ZNF652: variants seen among roughly 807,000 people sequenced by gnomAD.
ZNF652 encodes zinc finger protein 652.
In ZNF652, 16 loss-of-function variants were observed where a neutral mutation model predicts 45.2. That is an observed-to-expected ratio of 0.35 (90% confidence interval 0.24 to 0.54). The LOEUF (loss-of-function observed/expected upper bound fraction) is 0.54, where lower values mean the gene tolerates loss of function less well. Ranked by LOEUF, ZNF652 falls within the 20% of genes least tolerant of loss-of-function variation. The probability of loss-of-function intolerance (pLI) is 0.91; values close to 1 mark genes in which losing one functional copy is unlikely to be tolerated. For synonymous variants in ZNF652, 250 were observed against 260.6 expected (o/e 0.96, Z 0.39); for missense variants, 614 against 765.6 (o/e 0.80, Z 2.34).
chr17:49,298,432 C>A lies in ZNF652; in HGVS notation c.1802G>T (p.Ser601Ile), dbSNP rs766981714. ...NFLRHLAEKN[S>I]SAQHH Reference sequence around the variant, plus strand: ...CGGATGTTAATGATGCTGTGCTGAACTGTTCTTCTCTGCCAGGTGCCGCAG... The same window carrying A: ...CGGATGTTAATGATGCTGTGCTGAAATGTTCTTCTCTGCCAGGTGCCGCAG... Residue 601 changes from serine to isoleucine, a missense_variant, in exon 6 of 6, where the codon AGT (serine) becomes ATT (isoleucine). Ser to Ile is a moderately radical substitution (Grantham distance 142). Transcript: ENST00000430262. 17 of 1,612,660 alleles carry A rather than the reference C, an allele frequency of 1.1e-5. No homozygotes were observed. Among genetic ancestry groups the A allele is most frequent in the Non-Finnish European group, 1.4e-5 (17 of 1,180,046 alleles).
chr17:49,312,714 C>A lies in ZNF652; in HGVS notation c.1032G>T (p.Val344=). The A allele has an allele frequency of 6.2e-7, 1 of 1,613,562 alleles. No homozygotes were observed. Among genetic ancestry groups the A allele is most frequent in the South Asian group, 1.1e-5 (1 of 91,000 alleles). Residue 344 remains valine (V), a synonymous_variant, in exon 3 of 6, where the codon GTG becomes GTT. Coordinates refer to ENST00000430262, the MANE Select transcript of ZNF652 (RefSeq NM_001145365.3). ...AAAACTTACCAACCATGTGTTTCCG[C>A]ACATGAGCCATGGTATAGAATTTCT... is the stretch of plus-strand genomic sequence containing the variant. ...CEKKFYTMAH[V]RKHMVAHTKD... is the part of the protein sequence containing the mutation.
At chr17:49,331,926 A>G (rs1208907378) in intron 1 of ZNF652, among the ~76,000 whole-genome samples, 10 of 152,186 alleles carry the variant, frequency 6.6e-5, no homozygotes, top group African/African-American at 1.7e-4. Flanking sequence ...CTGAGATCGC[A>G]GCACTGCACT....
chr17:49,353,899 G>C (rs2070307681), intron 1 of ZNF652, among the ~76,000 whole-genome samples: 2 of 152,152 alleles, frequency 1.3e-5, no homozygotes, highest in South Asian at 2.1e-4. Context: ...AGTACACAGT[G>C]CACCACCTGG....
chr17:49,359,920 T>C (rs551950789), intron 1 of ZNF652, among the ~76,000 whole-genome samples: 14 of 152,332 alleles, frequency 9.2e-5, no homozygotes, highest in African/African-American at 3.4e-4. Context: ...TATAGCCTTC[T>C]TTTAAGAGAT....
At chr17:49,303,247 C>CTTTTTTTTTTTCT (rs779042339) in intron 5 of ZNF652, among the ~76,000 whole-genome samples, 1 of 121,786 alleles carries the variant, frequency 8.2e-6, no homozygotes, top group Non-Finnish European at 1.6e-5. Flanking sequence ...TTACGCTTAT[C>CTTTTTTTTTTTCT]TTTTTTTTTT....
chr17:49,304,868 A>G (rs1490102271), intron 5 of ZNF652, among the ~76,000 whole-genome samples: 1 of 120,140 alleles, frequency 8.3e-6, no homozygotes, highest in Non-Finnish European at 1.7e-5. Flanking sequence ...ACATATATGT[A>G]TATATATGTG....
chr17:49,333,247 C>T (rs572544788), intron 1 of ZNF652, among the ~76,000 whole-genome samples: 97 of 150,318 alleles, frequency 6.5e-4, no homozygotes, highest in South Asian at 3.6e-3. Flanking sequence ...TTAGTAGAGA[C>T]GGGGTTTCAC....
At chr17:49,334,209 A>T (rs2070056868) in intron 1 of ZNF652, among the ~76,000 whole-genome samples, 1 of 152,096 alleles carries the variant, frequency 6.6e-6, no homozygotes, top group African/African-American at 2.4e-5. Context: ...AGTCAGGTGT[A>T]GTGGCTCATG....
chr17:49,317,121 G>C lies in ZNF652; in HGVS notation c.605C>G (p.Thr202Ser). The C allele has an allele frequency of 6.2e-7, 1 of 1,614,048 alleles. No homozygotes were observed. Among genetic ancestry groups the C allele is most frequent in the Non-Finnish European group, 8.5e-7 (1 of 1,180,012 alleles). Residue 202 changes from threonine (T) to serine (S), a missense_variant, in exon 2 of 6, where the codon ACC becomes AGC. By Grantham distance (58) the Thr-to-Ser change is moderately conservative (BLOSUM62 1). Around this residue, in one of 5 missense-constraint regions of ZNF652, gnomAD observed 262 missense variants for 306.3 expected, o/e 0.86. Coordinates refer to ENST00000430262, the MANE Select transcript of ZNF652 (RefSeq NM_001145365.3). Reference protein sequence around the residue: ...TRRAASVAAATTSPTPRTTRG... With the variant: ...TRRAASVAAASTSPTPRTTRG... ...TGTAGTTCTGGGAGTAGGGGAAGTGGTAGCTGCGGCAACAGAGGCAGCTCT... is the reference window on the plus strand; with the variant it reads ...TGTAGTTCTGGGAGTAGGGGAAGTGCTAGCTGCGGCAACAGAGGCAGCTCT...
intron 1 of ZNF652, among the ~76,000 whole-genome samples, chr17:49,330,576 T>C (rs1173074262): frequency 6.6e-6 from 1 of 151,930 alleles, no homozygotes; most frequent in South Asian, 2.1e-4. Context: ...CTTGAACTCC[T>C]GGTCTCAGGT....
intron 5 of ZNF652, among the ~76,000 whole-genome samples, chr17:49,302,358 G>A (rs1470484695): frequency 3.2e-4 from 46 of 145,566 alleles, no homozygotes; most frequent in African/African-American, 1.1e-3. Flanking sequence ...GTGCAATCTC[G>A]GCTCACTGCA....
intron 5 of ZNF652, among the ~76,000 whole-genome samples, chr17:49,304,613 G>T (rs1179379991): frequency 6.6e-6 from 1 of 152,068 alleles, no homozygotes; most frequent in East Asian, 1.9e-4. Flanking sequence ...GTTCATTAAG[G>T]TAACTGGAAA....
chr17:49,332,015 G>C (rs2070030542), intron 1 of ZNF652, among the ~76,000 whole-genome samples: 1 of 151,862 alleles, frequency 6.6e-6, no homozygotes, highest in Non-Finnish European at 1.5e-5. Context: ...TGGGCATGGT[G>C]GCTCACACCT....
At chr17:49,318,020 T>C (rs1209558975) in intron 1 of ZNF652, 37 bp from the exon 2 acceptor site, 1 of 253,236 alleles carries the variant, frequency 3.9e-6, no homozygotes, top group Non-Finnish European at 7.5e-6. Flanking sequence ...AATCAGGTAA[T>C]ACCACTATTT....
At chr17:49,314,480 TAAAGA>T (rs1300345808) in intron 2 of ZNF652, among the ~76,000 whole-genome samples, 1 of 151,948 alleles carries the variant, frequency 6.6e-6, no homozygotes, top group East Asian at 1.9e-4. Context: ...TTTAAAAAAT[TAAAGA>T]AAATTTTTTT....
chr17:49,331,643 TAAAAAATA>T (rs140254809), intron 1 of ZNF652, among the ~76,000 whole-genome samples: 116,237 of 150,448 alleles, frequency 0.77, 44,889 homozygotes, highest in African/African-American at 0.82. Context: ...TTGTATTTTA[TAAAAAATA>T]AAAAAATAAA....
rs1399680833 is a variant in ZNF652, at chr17:49,297,751, G to C, written c.*662C>G. ...AATTTTTTTCTATTTTACAACATAG[G>C]TTCAGCTACACTGAAAAAATTACAC... On this transcript the variant is annotated 3_prime_UTR_variant, in exon 6 of 6. Transcript: ENST00000430262. 6.6e-6 allele frequency: 1 copy of C among 152,574 alleles called. No individual in the cohort carries two copies. Among genetic ancestry groups the C allele is most frequent in the Non-Finnish European group, 1.5e-5 (1 of 68,046 alleles). 9.5% of individuals were successfully genotyped at this position (152,574 alleles called of 1,614,324 possible).
intron 1 of ZNF652, chr17:49,322,345 G>A (rs2069903958): frequency 6.6e-6 from 1 of 152,150 alleles, no homozygotes; most frequent in Admixed American, 6.5e-5. Context: ...AGCAATACAC[G>A]AAGACCTCAA....
In ZNF652 at chr17:49,362,086, T is replaced by TGCCGCC. The variant is rs1008522864; in HGVS notation, c.-442_-437dup. On this transcript the variant is annotated 5_prime_UTR_variant, in exon 1 of 6. Transcript: ENST00000430262. ...CAGACCCGGCCTCGGCCGCTGCCGCTGCCGCCGCAGCGCTACGTGGCCGCC... is the reference window on the plus strand; with the variant it reads ...CAGACCCGGCCTCGGCCGCTGCCGCTGCCGCCGCCGCCGCAGCGCTACGTGGCCGCC... The TGCCGCC allele has an allele frequency of 2.0e-5, 3 of 148,526 alleles. No homozygotes were observed. Among genetic ancestry groups the TGCCGCC allele is most frequent in the African/African-American group, 7.4e-5 (3 of 40,682 alleles). 9.2% of individuals were successfully genotyped at this position (148,526 alleles called of 1,614,324 possible). A position where few individuals can be genotyped will look rare whatever the true frequency, so the allele number is the denominator to read the frequency against.
Sources: allele counts gnomAD v4.1 joint callset (sites outside exome capture counted in the v4.1 genomes callset), GRCh38; gene constraint gnomAD v4.1.1; regional missense constraint gnomAD v4.1.1; transcripts MANE v1.5; gene names NCBI Gene and HGNC (gene_info 2026-07-23, HGNC 2026-07-21).